Variants in CEP128 observed in about 807,000 individuals in gnomAD.
CEP128 encodes centrosomal protein 128kDa.
Under a neutral mutation model 156.7 loss-of-function variants are expected in CEP128, and 132 were observed. That is an observed-to-expected ratio of 0.84 (90% CI 0.73 to 0.97). The LOEUF (loss-of-function observed/expected upper bound fraction) is 0.97. Among genes scored for constraint, CEP128 ranks in the 50% least tolerant of loss-of-function variants. The pLI, the probability that CEP128 is intolerant of heterozygous loss-of-function variation, is 0.00. For missense variants in CEP128, 1,252 were observed against 1,281.9 expected (o/e 0.98, Z 0.36); for synonymous variants, 469 against 448.9 (o/e 1.04, Z -0.57).
chr14:80,909,403 A>ACACG (rs34728272), intron 4 of CEP128, among the ~76,000 whole-genome samples: 8,502 of 150,414 alleles, frequency 0.057, 612 homozygotes, highest in East Asian at 0.38. Context: ...ACACACACAC[A>ACACG]CGCAAACTCC....
chr14:80,821,256 T>C (rs1465420170), intron 13 of CEP128, among the ~76,000 whole-genome samples: 2 of 152,194 alleles, frequency 1.3e-5, no homozygotes, highest in Non-Finnish European at 2.9e-5. Flanking sequence ...TAAAATGATA[T>C]GCTATCAAGT....
At chr14:80,790,293 T>TG (rs1901635617) in intron 14 of CEP128, among the ~76,000 whole-genome samples, 1 of 151,814 alleles carries the variant, frequency 6.6e-6, no homozygotes, top group Non-Finnish European at 1.5e-5. Context: ...AAAAAGAATA[T>TG]GAAAAAAAAT....
At chr14:80,863,175 A>G (rs1887602201) in intron 8 of CEP128, among the ~76,000 whole-genome samples, 1 of 152,190 alleles carries the variant, frequency 6.6e-6, no homozygotes, top group East Asian at 1.9e-4. Context: ...TACACTAGAA[A>G]AGAGTGCCCT....
At chr14:80,772,051 T>C (rs1340234411) in intron 16 of CEP128, among the ~76,000 whole-genome samples, 1 of 152,200 alleles carries the variant, frequency 6.6e-6, no homozygotes, top group African/African-American at 2.4e-5. Context: ...TGATACCAAA[T>C]GTTTTTTGGA....
intron 8 of CEP128, among the ~76,000 whole-genome samples, chr14:80,880,025 C>T (rs1888457446): frequency 6.6e-6 from 1 of 152,142 alleles, no homozygotes; most frequent in South Asian, 2.1e-4. Flanking sequence ...ATAAAGACAT[C>T]ACAAGAGAAG....
intron 16 of CEP128, among the ~76,000 whole-genome samples, chr14:80,776,842 A>C (rs984986257): frequency 6.6e-6 from 1 of 152,164 alleles, no homozygotes; most frequent in Non-Finnish European, 1.5e-5. Context: ...TGAAAGAGAA[A>C]ACAAATTTAA....
chr14:80,496,203 C>T (rs1887489017), downstream of CEP128, among the ~76,000 whole-genome samples: 1 of 152,114 alleles, frequency 6.6e-6, no homozygotes, highest in African/African-American at 2.4e-5. Flanking sequence ...CAATGACTGG[C>T]ATATAGTAAG....
intron 13 of CEP128, among the ~76,000 whole-genome samples, chr14:80,815,003 A>G (rs773526774): frequency 2.1e-4 from 32 of 152,218 alleles, no homozygotes; most frequent in Non-Finnish European, 4.1e-4. Context: ...GATTGTAGTG[A>G]GCCGAGATTG....
intron 19 of CEP128, among the ~76,000 whole-genome samples, chr14:80,623,556 TATAA>T (rs1214965204): frequency 6.6e-6 from 1 of 151,724 alleles, no homozygotes; most frequent in Non-Finnish European, 1.5e-5. Flanking sequence ...TGGTCAGAAA[TATAA>T]ATGTTATACC....
intron 8 of CEP128, among the ~76,000 whole-genome samples, chr14:80,883,505 A>G (rs1412883306): frequency 6.6e-6 from 1 of 152,180 alleles, no homozygotes; most frequent in Non-Finnish European, 1.5e-5. Flanking sequence ...AGCTAAAGAT[A>G]AAAATTAAAT....
chr14:80,947,914 T>G (rs906109321), intron 2 of CEP128, among the ~76,000 whole-genome samples: 3 of 152,252 alleles, frequency 2.0e-5, no homozygotes, highest in Non-Finnish European at 4.4e-5. Context: ...GTAGCCTGCA[T>G]TGTTCTTGGT....
downstream of CEP128, among the ~76,000 whole-genome samples, chr14:80,487,530 T>G (rs1169093079): frequency 6.6e-6 from 1 of 152,166 alleles, no homozygotes; most frequent in African/African-American, 2.4e-5. Flanking sequence ...GTGGACCTAA[T>G]AGACATCTGC....
At chr14:80,651,241 T>C (rs759864547) in intron 19 of CEP128, among the ~76,000 whole-genome samples, 14 of 152,168 alleles carry the variant, frequency 9.2e-5, no homozygotes, top group Non-Finnish European at 2.1e-4. Context: ...TAGTTTGTAT[T>C]TCTGTGGGAT....
rs1433858836 is a variant in CEP128 at position 80,777,899 on chromosome 14, C to T, written c.2359G>A (p.Asp787Asn). 6.2e-7 allele frequency: 1 copy of T among 1,606,082 alleles called. No homozygotes were observed. Among genetic ancestry groups the T allele is most frequent in the Non-Finnish European group, 8.5e-7 (1 of 1,174,700 alleles). The change falls in exon 16 of 25, where the codon GAT becomes AAT. Residue 787 changes from aspartate (D) to asparagine (N), a missense_variant. By Grantham distance (23) the Asp-to-Asn change is conservative (BLOSUM62 1). Transcript: ENST00000555265. ...ATTTTTACCCTTTCTTCTAGTTGAT[C>T]CTTCAAACATTGATATTTTAGCTTC... is the stretch of plus-strand genomic sequence containing the variant. ...KLKLKYQCLK[D>N]QLEEREKHIS...
intron 9 of CEP128, among the ~76,000 whole-genome samples, chr14:80,856,903 G>A (rs1368789453): frequency 6.6e-6 from 1 of 150,542 alleles, no homozygotes; most frequent in Admixed American, 6.6e-5. Flanking sequence ...TTTTTTTGTT[G>A]CTGTTGTTTG....
intron 21 of CEP128, among the ~76,000 whole-genome samples, chr14:80,540,050 C>T (rs975326402): frequency 2.8e-4 from 42 of 152,222 alleles, no homozygotes; most frequent in East Asian, 1.2e-3. Flanking sequence ...CACCGTGCAC[C>T]GCTGAACATA....
intron 15 of CEP128, among the ~76,000 whole-genome samples, chr14:80,781,126 A>C: frequency 6.6e-6 from 1 of 152,226 alleles, no homozygotes; most frequent in Non-Finnish European, 1.5e-5. Flanking sequence ...AAGTATGCAC[A>C]GTAATCTATA....
intron 11 of CEP128, 77 bp from the exon 12 acceptor site, chr14:80,836,414 C>T: frequency 6.6e-7 from 1 of 1,517,556 alleles, no homozygotes; most frequent in South Asian, 1.2e-5. Flanking sequence ...ATTGTAAACA[C>T]AAGTTGAATC....
chr14:80,954,045 G>T (rs573948014), intron 2 of CEP128, among the ~76,000 whole-genome samples: 25 of 152,206 alleles, frequency 1.6e-4, no homozygotes, highest in African/African-American at 5.1e-4. Context: ...CGAGGCGGGC[G>T]GATCACGAGG....
Sources: allele counts gnomAD v4.1 joint callset (sites outside exome capture counted in the v4.1 genomes callset), GRCh38; gene constraint gnomAD v4.1.1; transcripts MANE v1.5; gene names NCBI Gene and HGNC (gene_info 2026-07-23, HGNC 2026-07-21).